RBL1: variants seen among roughly 807,000 people sequenced by gnomAD.
The protein encoded by RBL1 is retinoblastoma-like protein 1.
RBL1 carries 82 observed loss-of-function variants against 123.0 expected under a neutral mutation model. That is an observed-to-expected ratio of 0.67 (90% CI 0.56 to 0.80). The LOEUF (loss-of-function observed/expected upper bound fraction) is 0.80, where lower values mean the gene tolerates loss of function less well. Ranked by LOEUF, RBL1 falls within the 30% of genes least tolerant of loss-of-function variation. The pLI, the probability that RBL1 is intolerant of heterozygous loss-of-function variation, is 0.00. For missense variants in RBL1, 1,171 were observed against 1,299.6 expected (o/e 0.90, Z 1.52); for synonymous variants, 405 against 441.3 (o/e 0.92, Z 1.03).
chr20:37,022,905 A>C (rs1380121839), intron 16 of RBL1, 79 bp from the exon 17 acceptor site: 6 of 1,124,782 alleles, frequency 5.3e-6, no homozygotes, highest in Non-Finnish European at 5.1e-6. Context: ...CAAGACCAAG[A>C]TTAAAAAACA....
intron 9 of RBL1, among the ~76,000 whole-genome samples, chr20:37,058,132 A>AC (rs899481933): frequency 3.6e-5 from 5 of 140,632 alleles, no homozygotes; most frequent in Non-Finnish European, 6.0e-5. Context: ...AAAAAAAACA[A>AC]AACAAAACAA....
intron 16 of RBL1, among the ~76,000 whole-genome samples, chr20:37,030,124 G>C (rs1404117984): frequency 6.6e-6 from 1 of 152,102 alleles, no homozygotes; most frequent in Admixed American, 6.6e-5. Context: ...ATCTTAAATA[G>C]CTAAAACAAT....
At chr20:37,011,936 G>C (rs1041112786) in intron 19 of RBL1, among the ~76,000 whole-genome samples, 1 of 152,204 alleles carries the variant, frequency 6.6e-6, no homozygotes, top group Non-Finnish European at 1.5e-5. Flanking sequence ...GCCGAAGCTG[G>C]ACTGTACTGC....
At position 37,079,465 on chromosome 20, in the gene RBL1, A is replaced by ATTTT. The variant is rs768901139; in HGVS notation, c.290+9520_290+9523dup. Among the ~76,000 whole-genome samples the ATTTT allele has an allele frequency of 2.2e-3, 256 of 115,638 alleles. 5 individuals carry two copies. Among genetic ancestry groups the ATTTT allele is most frequent in the Non-Finnish European group, 2.5e-3 (145 of 58,708 alleles). 75.9% of individuals were successfully genotyped at this position (115,638 alleles called of 152,430 possible). On this transcript the variant is annotated intron_variant, in intron 2 of 21. Coordinates refer to ENST00000373664, the MANE Select transcript of RBL1 (RefSeq NM_002895.5). The stretch of plus-strand genomic sequence containing the variant: ...GATTTTTAGATGCTGGGCTTAAAGC[A>ATTTT]TTTTTTTTTTTTTTTTTTTTGAGAA...
At chr20:37,017,182 G>C (rs1273397454) in intron 19 of RBL1, among the ~76,000 whole-genome samples, 2 of 151,954 alleles carry the variant, frequency 1.3e-5, no homozygotes, top group African/African-American at 2.4e-5. Context: ...AGACCAGCCT[G>C]AGCAAACATG....
Position 36,996,359 on chromosome 20 carries a change from A to G in RBL1, c.*2400T>C, listed in dbSNP as rs2063890094. 1 of 152,188 alleles carries G rather than the reference A, an allele frequency of 6.6e-6. No homozygotes were observed. Among genetic ancestry groups the G allele is most frequent in the South Asian group, 2.1e-4 (1 of 4,830 alleles). 9.4% of individuals were successfully genotyped at this position (152,188 alleles called of 1,614,324 possible). ...TCATACAGAAAAGAGTTTTTTTTCA[A>G]TAATCTCAATTCCAATTTTTATTAG... On this transcript the variant is annotated 3_prime_UTR_variant, in exon 22 of 22. Coordinates refer to ENST00000373664, the MANE Select transcript of RBL1 (RefSeq NM_002895.5).
chr20:37,063,839 T>G (rs546817058), intron 7 of RBL1, among the ~76,000 whole-genome samples: 1 of 151,160 alleles, frequency 6.6e-6, no homozygotes, highest in East Asian at 2.0e-4. Context: ...TTTTTTTTTT[T>G]GGAAATAGGG....
At chr20:37,013,560 GC>G (rs2064200138) in intron 19 of RBL1, among the ~76,000 whole-genome samples, 1 of 146,500 alleles carries the variant, frequency 6.8e-6, no homozygotes, top group Non-Finnish European at 1.5e-5. Context: ...ATCTCCCTCT[GC>G]GAGAAACACC....
rs781744936 is a variant in RBL1 at position 37,061,253 on chromosome 20, G to A, written c.1100C>T (p.Pro367Leu). The change falls in exon 9 of 22, where the codon CCT becomes CTT. Residue 367 changes from proline to leucine, a missense_variant. Pro to Leu is a moderately conservative substitution (Grantham distance 98, BLOSUM62 -3). Coordinates refer to ENST00000373664, the MANE Select transcript of RBL1 (RefSeq NM_002895.5). ...TCTCCGTCCGGTCAGTGGGGTAGAAGGTGCAAATGACCTTTTCTGTCAGAA... is the reference window on the plus strand; with the variant it reads ...TCTCCGTCCGGTCAGTGGGGTAGAAAGTGCAAATGACCTTTTCTGTCAGAA... ...QHFEKKRSFA[P>L]STPLTGRRYL... The A allele has an allele frequency of 3.7e-6, 6 of 1,608,950 alleles. No homozygotes were observed. The highest frequency in any genetic ancestry group is 5.1e-6 in the Non-Finnish European group (6 of 1,178,090).
intron 11 of RBL1, among the ~76,000 whole-genome samples, chr20:37,053,487 C>T (rs2064953302): frequency 1.3e-5 from 2 of 152,090 alleles, no homozygotes; most frequent in African/African-American, 2.4e-5. Context: ...GGTTGGGGCC[C>T]GCCTTTCATC....
intron 9 of RBL1, among the ~76,000 whole-genome samples, chr20:37,058,127 AAAC>A (rs2065039655): frequency 7.0e-6 from 1 of 143,368 alleles, no homozygotes; most frequent in Admixed American, 6.9e-5. Context: ...AAAAAAAAAA[AAAC>A]AAAACAAAAC....
intron 14 of RBL1, among the ~76,000 whole-genome samples, chr20:37,036,626 CTTTT>C (rs11340151): frequency 1.9e-5 from 2 of 107,854 alleles, no homozygotes. Flanking sequence ...ATTTTCTTTT[CTTTT>C]TTTTTTTTTT....
intron 19 of RBL1, among the ~76,000 whole-genome samples, chr20:37,017,401 T>C: frequency 6.6e-6 from 1 of 151,398 alleles, no homozygotes; most frequent in South Asian, 2.1e-4. Context: ...TATATACACA[T>C]GTATATATTA....
chr20:37,077,710 A>AT (rs1037461584), intron 2 of RBL1, among the ~76,000 whole-genome samples: 2 of 150,976 alleles, frequency 1.3e-5, no homozygotes, highest in African/African-American at 4.9e-5. Flanking sequence ...TATACATATA[A>AT]TTTTTTTCTG....
In RBL1 at chr20:37,007,286, G is replaced by A. The variant is rs543702885; in HGVS notation, c.2871+125C>T. 1.6e-5 allele frequency: 16 copies of A among 997,584 alleles called. No homozygotes were observed. The African/African-American group carries it at 2.5e-4, about 15-fold the overall frequency. 61.8% of individuals were successfully genotyped at this position (997,584 alleles called of 1,614,324 possible). On this transcript the variant is annotated intron_variant, in intron 20 of 21. Coordinates refer to ENST00000373664, the MANE Select transcript of RBL1 (RefSeq NM_002895.5). Reference sequence around the variant, plus strand: ...TACCATAGCCTTAATCACTGATTAAGTTACTGGACATGCTCTGATTAATTG... The same window carrying A: ...TACCATAGCCTTAATCACTGATTAAATTACTGGACATGCTCTGATTAATTG...
In RBL1 at chr20:37,048,152, A is replaced by G. The variant is rs141209893; in HGVS notation, c.1468-962T>C. Among the ~76,000 whole-genome samples, 642 of 152,294 alleles carry G rather than the reference A, an allele frequency of 4.2e-3. 4 individuals are homozygous for G. The highest frequency in any genetic ancestry group is 0.017 in the South Asian group (81 of 4,830). ...AGCAGAAGGGACGATGATCAAGCAT[A>G]AGGACCTGCAGTGAGACACTTAAAA... On this transcript the variant is annotated intron_variant, in intron 11 of 21. Transcript: ENST00000373664.
Position 36,997,387 on chromosome 20 carries a change from C to T in RBL1, c.*1372G>A, listed in dbSNP as rs548730876. On this transcript the variant is annotated 3_prime_UTR_variant, in exon 22 of 22. Coordinates refer to ENST00000373664, the MANE Select transcript of RBL1 (RefSeq NM_002895.5). ...GAAAAGCATCCCTAGTACTAAAAAA[C>T]ATCTTCAGGAGTACCCAGTGGTCAA... The T allele has an allele frequency of 3.3e-5, 5 of 152,240 alleles. No individual in the cohort carries two copies. The East Asian group carries it at 9.6e-4, about 29-fold the overall frequency. 9.4% of individuals were successfully genotyped at this position (152,240 alleles called of 1,614,324 possible). A position where few individuals can be genotyped will look rare whatever the true frequency, so the allele number is the denominator to read the frequency against.
intron 19 of RBL1, among the ~76,000 whole-genome samples, chr20:37,014,944 T>C (rs1404442399): frequency 3.3e-5 from 5 of 151,102 alleles, no homozygotes; most frequent in Non-Finnish European, 2.9e-5. Context: ...GTGCCTGTAA[T>C]CCCAGCTACT....
chr20:37,054,380 G>C (rs2064969211), intron 11 of RBL1, among the ~76,000 whole-genome samples: 1 of 152,094 alleles, frequency 6.6e-6, no homozygotes, highest in Non-Finnish European at 1.5e-5. Flanking sequence ...AGCTAGTCGG[G>C]AGGCTGAGGC....
Sources: allele counts gnomAD v4.1 joint callset (sites outside exome capture counted in the v4.1 genomes callset), GRCh38; gene constraint gnomAD v4.1.1; transcripts MANE v1.5; gene names NCBI Gene and HGNC (gene_info 2026-07-23, HGNC 2026-07-21).